The following PAPOLG variants were observed in gnomAD, a reference collection of about 807,000 sequenced individuals.
The protein encoded by PAPOLG is PAP-gamma.
Under a neutral mutation model 99.0 loss-of-function variants are expected in PAPOLG, and 40 were observed. The observed-to-expected ratio is 0.40, with a 90% CI of 0.31 to 0.53. The LOEUF (loss-of-function observed/expected upper bound fraction) is 0.53. Ranked by LOEUF, PAPOLG falls within the 20% of genes least tolerant of loss-of-function variation. The probability of loss-of-function intolerance (pLI) is 0.41; values close to 1 mark genes in which losing one functional copy is unlikely to be tolerated. For missense variants in PAPOLG, 675 were observed against 884.1 expected (o/e 0.76, Z 3.00); for synonymous variants, 310 against 299.3 (o/e 1.04, Z -0.37).
intron 2 of PAPOLG, 47 bp from the exon 3 acceptor site, chr2:60,761,690 CTGTT>C: frequency 6.7e-7 from 1 of 1,500,498 alleles, no homozygotes; most frequent in Non-Finnish European, 9.2e-7. Flanking sequence ...TTTAAAAATA[CTGTT>C]TGTTCATTTG....
At chr2:60,773,643 T>C (rs1670922815) in intron 7 of PAPOLG, among the ~76,000 whole-genome samples, 1 of 151,954 alleles carries the variant, frequency 6.6e-6, no homozygotes, top group African/African-American at 2.4e-5. Flanking sequence ...TGGAAAATAT[T>C]GGTTCACAAA....
chr2:60,757,053 T>C lies in PAPOLG; in HGVS notation c.17+558T>C, dbSNP rs144247497. Among the ~76,000 whole-genome samples the C allele has an allele frequency of 2.2e-3, 338 of 152,322 alleles. 1 individual carries two copies. The highest frequency in any genetic ancestry group is 7.9e-3 in the African/African-American group (328 of 41,576). ...CGGTCTGTACCTCTTGTTCACACTT[T>C]GATAAGTCAGAAACAGTTCCCGTAC... On this transcript the variant is annotated intron_variant, in intron 1 of 21. Coordinates refer to ENST00000238714, the MANE Select transcript of PAPOLG (RefSeq NM_022894.4).
At chr2:60,792,978 G>A (rs1396173293) in intron 17 of PAPOLG, among the ~76,000 whole-genome samples, 1 of 152,064 alleles carries the variant, frequency 6.6e-6, no homozygotes, top group Non-Finnish European at 1.5e-5. Context: ...GGAGGTTGCA[G>A]TGAGCTGAGA....
At chr2:60,775,884 C>G (rs1330686247) in intron 8 of PAPOLG, among the ~76,000 whole-genome samples, 1 of 152,078 alleles carries the variant, frequency 6.6e-6, no homozygotes, top group Non-Finnish European at 1.5e-5. Context: ...CTGCCTCAGC[C>G]TACCAAGTAG....
chr2:60,776,038 C>G lies in PAPOLG; in HGVS notation c.694+915C>G, dbSNP rs182171638. 1.2e-4 allele frequency among the ~76,000 whole-genome samples: 18 copies of G among 152,182 alleles called. 1 individual carries two copies. The highest frequency in any genetic ancestry group is 2.5e-4 in the Non-Finnish European group (17 of 68,036). On this transcript the variant is annotated intron_variant, in intron 8 of 21. Coordinates refer to ENST00000238714, the MANE Select transcript of PAPOLG (RefSeq NM_022894.4). ...TCGGCCTCCCAAAGTGCTGGGATTA[C>G]AGGCGTGAGCCATCAAGCCCGGCTC...
chr2:60,764,227 A>G (rs1670606535), intron 3 of PAPOLG, among the ~76,000 whole-genome samples: 1 of 152,170 alleles, frequency 6.6e-6, no homozygotes, highest in South Asian at 2.1e-4. Flanking sequence ...TAGGTAGCCC[A>G]TACTGTTATA....
chr2:60,784,952 A>C (rs115514814), intron 13 of PAPOLG, among the ~76,000 whole-genome samples: 138 of 152,316 alleles, frequency 9.1e-4, no homozygotes, highest in African/African-American at 3.1e-3. Context: ...TATAATGTAT[A>C]AGCTTTTGCT....
At chr2:60,787,251 C>T (rs1671390537) in intron 14 of PAPOLG, among the ~76,000 whole-genome samples, 185 bp downstream of exon 14, 1 of 152,056 alleles carries the variant, frequency 6.6e-6, no homozygotes, top group Admixed American at 6.6e-5. Flanking sequence ...CCCACAAACC[C>T]CAGCAAAACA....
chr2:60,797,341 C>G lies in PAPOLG; in HGVS notation c.*181C>G. On this transcript the variant is annotated 3_prime_UTR_variant, in exon 22 of 22. Coordinates refer to ENST00000238714, the MANE Select transcript of PAPOLG (RefSeq NM_022894.4). Reference sequence around the variant, plus strand: ...TTTGACCTGTAGATGCTGTAGCATTCTCTCACTGATTGCTACATACACTTC... The same window carrying G: ...TTTGACCTGTAGATGCTGTAGCATTGTCTCACTGATTGCTACATACACTTC... The G allele has an allele frequency of 1.5e-6, 1 of 674,580 alleles. No individual in the cohort carries two copies. Among genetic ancestry groups the G allele is most frequent in the Non-Finnish European group, 2.5e-6 (1 of 400,420 alleles). The allele number at this position is 674,580 out of a possible 1,614,324, so 41.8% of individuals were successfully genotyped here. A position where few individuals can be genotyped will look rare whatever the true frequency, so the allele number is the denominator to read the frequency against.
chr2:60,771,458 G>A (rs963661281), intron 6 of PAPOLG, 61 bp from the exon 7 acceptor site: 47 of 1,520,042 alleles, frequency 3.1e-5, no homozygotes, highest in Non-Finnish European at 4.0e-5. Flanking sequence ...GGTGGGATGG[G>A]AGAGGATGGA....
chr2:60,783,171 G>A lies in PAPOLG; in HGVS notation c.1128G>A (p.Leu376=), dbSNP rs775106853. The stretch of plus-strand genomic sequence containing the variant: ...AATTCTTCAGACATTATATAGTATT[G>A]ACTGCCAGCGCATCAACAGAAGAAA... The part of the protein sequence containing the change: ...FFQKYRHYIV[L]TASASTEENH... Residue 376 remains leucine (L), a synonymous_variant, in exon 13 of 22, where the codon TTG becomes TTA. Transcript: ENST00000238714. 2.5e-6 allele frequency: 4 copies of A among 1,589,898 alleles called. No homozygotes were observed. The highest frequency in any genetic ancestry group is 1.7e-4 in the Middle Eastern group (1 of 5,930).
chr2:60,771,774 T>G lies in PAPOLG; in HGVS notation c.604+144T>G, dbSNP rs147678132. The G allele has an allele frequency of 7.8e-5, 68 of 872,552 alleles. No homozygotes were observed. In the African/African-American group the frequency reaches 1.1e-3, roughly 14 times the overall value. The allele number at this position is 872,552 out of a possible 1,614,324, so 54.1% of individuals were successfully genotyped here. A position where few individuals can be genotyped will look rare whatever the true frequency, so the allele number is the denominator to read the frequency against. ...CCTTATACAGATAATGTGACCACAT[T>G]TAAGAATCCTAAAAACCACAAATTT... On this transcript the variant is annotated intron_variant, in intron 7 of 21. Coordinates refer to ENST00000238714, the MANE Select transcript of PAPOLG (RefSeq NM_022894.4).
At chr2:60,795,099 A>T (rs913444589) in intron 21 of PAPOLG, 79 bp downstream of exon 21, 1 of 1,257,228 alleles carries the variant, frequency 8.0e-7, no homozygotes, top group Non-Finnish European at 1.1e-6. Flanking sequence ...AAGGCTTATT[A>T]AGAGCCTAGC....
intron 21 of PAPOLG, 168 bp from the exon 22 acceptor site, chr2:60,796,894 A>C: frequency 2.7e-6 from 1 of 367,066 alleles, no homozygotes; most frequent in Non-Finnish European, 3.8e-6. Context: ...TCCGAAAGCA[A>C]GAGTTCCCTA....
Position 60,779,617 on chromosome 2 carries a change from C to A in PAPOLG, c.695-20C>A. Reference sequence around the variant, plus strand: ...GATAGTAGGTCCTAATAATAATTAACAAATATATTGATTTTCTAGGACGTG... The same window carrying A: ...GATAGTAGGTCCTAATAATAATTAAAAAATATATTGATTTTCTAGGACGTG... On this transcript the variant is annotated intron_variant, in intron 8 of 21. Transcript: ENST00000238714. The A allele has an allele frequency of 6.3e-7, 1 of 1,595,380 alleles. No homozygotes were observed. Among genetic ancestry groups the A allele is most frequent in the Non-Finnish European group, 8.6e-7 (1 of 1,168,578 alleles).
At chr2:60,776,336 T>C (rs1399132602) in intron 8 of PAPOLG, among the ~76,000 whole-genome samples, 1 of 152,106 alleles carries the variant, frequency 6.6e-6, no homozygotes, top group African/African-American at 2.4e-5. Flanking sequence ...TTTGTTGTTC[T>C]GTTTGTACAG....
chr2:60,795,934 A>G (rs893068894), intron 21 of PAPOLG, among the ~76,000 whole-genome samples: 4 of 152,166 alleles, frequency 2.6e-5, no homozygotes, highest in African/African-American at 9.6e-5. Context: ...GAAATGACAT[A>G]TCTGGATTTT....
intron 9 of PAPOLG, among the ~76,000 whole-genome samples, chr2:60,780,214 G>C (rs935119423): frequency 6.6e-6 from 1 of 151,594 alleles, no homozygotes; most frequent in Non-Finnish European, 1.5e-5. Context: ...AGTAATATTT[G>C]CCCTTTCAGA....
Position 60,794,071 on chromosome 2 carries a change from C to T in PAPOLG, c.1869C>T (p.Asn623=). 3 of 1,614,162 alleles carry T rather than the reference C, an allele frequency of 1.9e-6. No homozygotes were observed. The highest frequency in any genetic ancestry group is 2.5e-6 in the Non-Finnish European group (3 of 1,180,014). The change falls in exon 19 of 22, where the codon AAC becomes AAT. Residue 623 remains asparagine, a synonymous_variant. Coordinates refer to ENST00000238714, the MANE Select transcript of PAPOLG (RefSeq NM_022894.4). Reference sequence around the variant, plus strand: ...TTCCTAGAATCACAACACCTCACAACCCTGCCCAGGGACAACCGCATCTGA... The same window carrying T: ...TTCCTAGAATCACAACACCTCACAATCCTGCCCAGGGACAACCGCATCTGA... ...NVIPRITTPH[N]PAQGQPHLNG... is the part of the protein sequence containing the mutation.
Sources: allele counts gnomAD v4.1 joint callset (sites outside exome capture counted in the v4.1 genomes callset), GRCh38; gene constraint gnomAD v4.1.1; transcripts MANE v1.5; gene names NCBI Gene and HGNC (gene_info 2026-07-23, HGNC 2026-07-21).